LAMA2: variants seen among roughly 807,000 people sequenced by gnomAD.
LAMA2 encodes the protein laminin subunit alpha 2.
A neutral mutation model predicts 364.8 loss-of-function variants in LAMA2; 269 were observed. That is an observed-to-expected ratio of 0.74 (90% CI 0.67 to 0.82). The LOEUF (loss-of-function observed/expected upper bound fraction) is 0.82. Among genes scored for constraint, LAMA2 ranks in the 40% least tolerant of loss-of-function variants. The pLI is 0.00. For missense variants in LAMA2, 3,807 were observed against 3,873.2 expected (o/e 0.98, Z 0.45); for synonymous variants, 1,379 against 1,370.6 (o/e 1.01, Z -0.14).
chr6:129,294,997 C>G (rs1433848625), intron 20 of LAMA2, among the ~76,000 whole-genome samples: 1 of 152,180 alleles, frequency 6.6e-6, no homozygotes, highest in Non-Finnish European at 1.5e-5. Flanking sequence ...TCAAGCCCTA[C>G]ATATCTTACA....
intron 44 of LAMA2, among the ~76,000 whole-genome samples, chr6:129,444,861 T>G (rs1782289732): frequency 6.6e-6 from 1 of 152,264 alleles, no homozygotes; most frequent in Admixed American, 6.5e-5. Context: ...ATAGTGTGGA[T>G]GAGACTGCCA....
chr6:129,269,494 T>C (rs1405922236), intron 16 of LAMA2, among the ~76,000 whole-genome samples: 1 of 152,072 alleles, frequency 6.6e-6, no homozygotes, highest in Non-Finnish European at 1.5e-5. Flanking sequence ...AAGAACTACA[T>C]GTTATTTGTC....
chr6:129,200,210 A>ACG (rs2115049391), intron 12 of LAMA2, among the ~76,000 whole-genome samples: 1 of 141,410 alleles, frequency 7.1e-6, no homozygotes, highest in East Asian at 2.0e-4. Context: ...ACACATATAC[A>ACG]TGTGTATATA....
chr6:129,048,829 G>A (rs1787789358), intron 1 of LAMA2, among the ~76,000 whole-genome samples: 1 of 151,898 alleles, frequency 6.6e-6, no homozygotes, highest in African/African-American at 2.4e-5. Context: ...TGGCCAGACT[G>A]GTCTTGAACT....
chr6:129,413,762 A>C (rs1780651653), intron 40 of LAMA2, among the ~76,000 whole-genome samples: 1 of 152,334 alleles, frequency 6.6e-6, no homozygotes, highest in East Asian at 1.9e-4. Flanking sequence ...GTGCAAATAA[A>C]GTGGTACCAA....
chr6:129,293,852 A>G (rs1789892013), intron 20 of LAMA2, among the ~76,000 whole-genome samples: 1 of 152,234 alleles, frequency 6.6e-6, no homozygotes, highest in Non-Finnish European at 1.5e-5. Context: ...TTGGCTCATT[A>G]TCACACATTT....
intron 14 of LAMA2, among the ~76,000 whole-genome samples, chr6:129,257,071 G>T (rs265402): frequency 0.42 from 64,273 of 151,436 alleles, 17,073 homozygotes; most frequent in East Asian, 0.74. Flanking sequence ...TAAGAGGGAA[G>T]AGTCAGCTAA....
At chr6:128,957,757 C>T (rs1289698116) in intron 1 of LAMA2, among the ~76,000 whole-genome samples, 6 of 151,476 alleles carry the variant, frequency 4.0e-5, no homozygotes, top group African/African-American at 1.5e-4. Flanking sequence ...TCAGTAGTGA[C>T]CAGGTCCTTG....
At chr6:129,027,300 A>G (rs1785890051) in intron 1 of LAMA2, among the ~76,000 whole-genome samples, 1 of 152,094 alleles carries the variant, frequency 6.6e-6, no homozygotes, top group Non-Finnish European at 1.5e-5. Flanking sequence ...TGCGTATGTT[A>G]GAATCCATAT....
intron 12 of LAMA2, among the ~76,000 whole-genome samples, chr6:129,245,692 T>C (rs754843314): frequency 6.6e-6 from 1 of 152,208 alleles, no homozygotes; most frequent in South Asian, 2.1e-4. Flanking sequence ...TTCCCTTATT[T>C]ACTGTGGTTG....
intron 1 of LAMA2, among the ~76,000 whole-genome samples, chr6:128,920,875 AAAAG>A (rs1203878405): frequency 3.3e-5 from 5 of 152,168 alleles, no homozygotes; most frequent in African/African-American, 7.2e-5. Context: ...AAGGGAGAAG[AAAAG>A]AAAGAGAGAC....
intron 8 of LAMA2, among the ~76,000 whole-genome samples, chr6:129,156,421 G>T (rs536499315): frequency 6.6e-6 from 1 of 151,206 alleles, no homozygotes; most frequent in Admixed American, 6.6e-5. Context: ...ATTTTGCTTT[G>T]CATGACTGTA....
chr6:129,055,575 C>A (rs766506519), intron 2 of LAMA2, among the ~76,000 whole-genome samples: 10 of 152,182 alleles, frequency 6.6e-5, no homozygotes, highest in Non-Finnish European at 1.2e-4. Flanking sequence ...AAGAATAAAA[C>A]CCCACAAGAA....
intron 51 of LAMA2, among the ~76,000 whole-genome samples, chr6:129,472,192 A>T (rs985044740): frequency 6.6e-6 from 1 of 151,964 alleles, no homozygotes; most frequent in African/African-American, 2.4e-5. Context: ...TGAGCCAGGA[A>T]CATCCAAGAA....
intron 1 of LAMA2, among the ~76,000 whole-genome samples, chr6:128,910,182 C>T (rs1777803769): frequency 6.6e-6 from 1 of 152,158 alleles, no homozygotes; most frequent in Non-Finnish European, 1.5e-5. Flanking sequence ...GAACGTTGGC[C>T]TGCCTTGCTA....
At chr6:129,481,190 G>A in intron 54 of LAMA2, 73 bp from the exon 55 acceptor site, 2 of 1,128,140 alleles carry the variant, frequency 1.8e-6, no homozygotes, top group Admixed American at 1.7e-5. Flanking sequence ...CATCGAGGAG[G>A]GTGAGTGAGA....
intron 34 of LAMA2, among the ~76,000 whole-genome samples, chr6:129,376,668 C>T (rs1778392771): frequency 2.0e-5 from 3 of 152,126 alleles, no homozygotes; most frequent in African/African-American, 7.2e-5. Flanking sequence ...TTTATTTTGC[C>T]TTAAAGGTAA....
intron 10 of LAMA2, among the ~76,000 whole-genome samples, chr6:129,184,079 A>G (rs2115025030): frequency 6.6e-6 from 1 of 152,012 alleles, no homozygotes; most frequent in South Asian, 2.1e-4. Flanking sequence ...TACCTACTGG[A>G]TTACTTTTTG....
chr6:129,267,253 C>T, intron 16 of LAMA2, 34 bp downstream of exon 16: 2 of 1,394,096 alleles, frequency 1.4e-6, no homozygotes, highest in Non-Finnish European at 2.0e-6. Flanking sequence ...TGCTGATTGA[C>T]AAGGCTGAAA....
Sources: gnomAD v4.1 joint callset for allele counts (sites outside exome capture counted in the v4.1 genomes callset) on GRCh38, gnomAD v4.1.1 for gene constraint, MANE v1.5 for transcripts, NCBI Gene and HGNC (gene_info 2026-07-23, HGNC 2026-07-21) for gene names.